Variants in PLXNA4 observed in about 807,000 individuals in gnomAD.
The protein encoded by PLXNA4 is plexin A4.
A neutral mutation model predicts 191.8 loss-of-function variants in PLXNA4; 44 were observed. That is an observed-to-expected ratio of 0.23 (90% CI 0.18 to 0.29). PLXNA4 has a LOEUF of 0.29. Ranked by LOEUF, PLXNA4 falls within the 10% of genes least tolerant of loss-of-function variation. The pLI is 1.00. For synonymous variants in PLXNA4, 1,082 were observed against 1,009.5 expected, an observed-to-expected ratio of 1.07 and a Z score of -1.36; for missense variants, 1,800 against 2,488.8, an observed-to-expected ratio of 0.72 and a Z score of 5.89.
intron 1 of PLXNA4, among the ~76,000 whole-genome samples, chr7:132,521,231 G>T (rs1001476314): frequency 1.3e-5 from 2 of 151,020 alleles, no homozygotes; most frequent in African/African-American, 2.4e-5. Context: ...AAGTTTTGGG[G>T]CCAGGCACTA....
At chr7:132,351,864 A>G (rs995562784) in intron 3 of PLXNA4, among the ~76,000 whole-genome samples, 1 of 152,150 alleles carries the variant, frequency 6.6e-6, no homozygotes, top group Non-Finnish European at 1.5e-5. Context: ...GAGATAAAGG[A>G]GACAAAGAAA....
intron 9 of PLXNA4, among the ~76,000 whole-genome samples, chr7:132,218,809 G>A (rs1798050910): frequency 6.6e-6 from 1 of 152,142 alleles, no homozygotes; most frequent in Non-Finnish European, 1.5e-5. Flanking sequence ...ATCATTCTTT[G>A]TAACTGGAAT....
intron 2 of PLXNA4, among the ~76,000 whole-genome samples, chr7:132,614,606 G>A (rs558604698): frequency 1.3e-5 from 2 of 152,364 alleles, no homozygotes; most frequent in South Asian, 4.1e-4. Flanking sequence ...GCCCAGGCAA[G>A]GCTGGCAGGC....
chr7:132,338,495 G>C (rs996364490), intron 3 of PLXNA4, among the ~76,000 whole-genome samples: 9 of 152,238 alleles, frequency 5.9e-5, no homozygotes, highest in Non-Finnish European at 1.3e-4. Flanking sequence ...CAGTAAAAAT[G>C]AGTTGTTCCA....
intron 3 of PLXNA4, among the ~76,000 whole-genome samples, chr7:132,473,487 G>A (rs1020406455): frequency 6.6e-6 from 1 of 152,136 alleles, no homozygotes; most frequent in Non-Finnish European, 1.5e-5. Flanking sequence ...CCTTTGTGAA[G>A]AAGGAAGGTA....
intron 1 of PLXNA4, among the ~76,000 whole-genome samples, chr7:132,542,311 C>A (rs1028027838): frequency 2.0e-5 from 3 of 152,104 alleles, no homozygotes; most frequent in African/African-American, 7.2e-5. Context: ...GGAGGATTAT[C>A]AGATAAAGCT....
chr7:132,172,935 T>C (rs569809243), intron 21 of PLXNA4, among the ~76,000 whole-genome samples: 4 of 152,278 alleles, frequency 2.6e-5, no homozygotes, highest in African/African-American at 9.6e-5. Flanking sequence ...AGACATAATT[T>C]CCCGTCCTAC....
intron 12 of PLXNA4, among the ~76,000 whole-genome samples, chr7:132,199,094 TTC>T (rs1279065604): frequency 6.6e-6 from 1 of 152,196 alleles, no homozygotes; most frequent in Non-Finnish European, 1.5e-5. Flanking sequence ...TGTGTTCTTC[TTC>T]TCTCTCCATT....
intron 4 of PLXNA4, among the ~76,000 whole-genome samples, chr7:132,268,274 G>A (rs940078674): frequency 1.3e-5 from 2 of 152,188 alleles, no homozygotes; most frequent in African/African-American, 4.8e-5. Flanking sequence ...GGGAATGCAT[G>A]CAGGTAAAAC....
At chr7:132,429,151 G>T (rs1381605148) in intron 3 of PLXNA4, among the ~76,000 whole-genome samples, 1 of 152,160 alleles carries the variant, frequency 6.6e-6, no homozygotes, top group Non-Finnish European at 1.5e-5. Flanking sequence ...ACTTCTCATT[G>T]TCAAGATGAG....
intron 4 of PLXNA4, among the ~76,000 whole-genome samples, chr7:132,296,957 G>A (rs551674677): frequency 3.3e-5 from 5 of 152,200 alleles, no homozygotes; most frequent in South Asian, 2.1e-4. Context: ...GGCTGAAGTC[G>A]GGAGAACGGG....
intron 3 of PLXNA4, among the ~76,000 whole-genome samples, chr7:132,459,860 T>G (rs1019095580): frequency 3.3e-5 from 5 of 152,092 alleles, no homozygotes; most frequent in African/African-American, 1.2e-4. Context: ...TGTAGATAAT[T>G]GGAGTTGACT....
At chr7:132,462,387 C>T (rs569691807) in intron 3 of PLXNA4, among the ~76,000 whole-genome samples, 2 of 152,020 alleles carry the variant, frequency 1.3e-5, no homozygotes, top group South Asian at 4.2e-4. Flanking sequence ...AGCTTAAAGA[C>T]AAAAAACAGA....
chr7:132,446,616 T>C (rs943054137), intron 3 of PLXNA4, among the ~76,000 whole-genome samples: 4 of 152,190 alleles, frequency 2.6e-5, no homozygotes, highest in African/African-American at 4.8e-5. Flanking sequence ...GACACTAAGA[T>C]GCATCTTTTA....
chr7:132,241,241 T>C (rs1562986868), intron 4 of PLXNA4, 75 bp from the exon 5 acceptor site: 3 of 993,074 alleles, frequency 3.0e-6, no homozygotes, highest in Non-Finnish European at 3.0e-6. Context: ...GAGATGTTGC[T>C]CTAAATATCA....
intron 2 of PLXNA4, among the ~76,000 whole-genome samples, chr7:132,637,643 A>T (rs77506773): frequency 0.031 from 4,647 of 152,336 alleles, 455 homozygotes; most frequent in East Asian, 0.27. Context: ...TGGCAGCCTT[A>T]GCATTGGCCT....
intron 2 of PLXNA4, among the ~76,000 whole-genome samples, chr7:132,638,714 A>G (rs986798778): frequency 1.2e-4 from 18 of 152,096 alleles, no homozygotes; most frequent in Non-Finnish European, 2.2e-4. Flanking sequence ...GGTCTATCAC[A>G]TCTTCACTCT....
chr7:132,399,658 T>C (rs1793907249), intron 3 of PLXNA4, among the ~76,000 whole-genome samples: 1 of 152,170 alleles, frequency 6.6e-6, no homozygotes, highest in Non-Finnish European at 1.5e-5. Flanking sequence ...ATCTGTGCTT[T>C]GGAGGGCAGA....
chr7:132,555,927 G>A (rs147822653), intron 1 of PLXNA4, among the ~76,000 whole-genome samples: 2 of 152,374 alleles, frequency 1.3e-5, no homozygotes, highest in East Asian at 3.9e-4. Flanking sequence ...TGTCGAATAT[G>A]CATAATTGGT....
Sources: gnomAD v4.1 joint callset for allele counts (sites outside exome capture counted in the v4.1 genomes callset) on GRCh38, gnomAD v4.1.1 for gene constraint, MANE v1.5 for transcripts, NCBI Gene and HGNC (gene_info 2026-07-23, HGNC 2026-07-21) for gene names.